The following MXD4 variants were observed in gnomAD, a reference collection of about 807,000 sequenced individuals.
MXD4 encodes Mad4 homolog.
MXD4 carries 16 observed loss-of-function variants against 24.5 expected under a neutral mutation model. That is an observed-to-expected ratio of 0.65 (90% confidence interval 0.44 to 0.99). The LOEUF is 0.99. Among genes scored for constraint, MXD4 ranks in the 50% least tolerant of loss-of-function variants. The probability of loss-of-function intolerance (pLI) is 0.00; values close to 1 mark genes in which losing one functional copy is unlikely to be tolerated. For missense variants in MXD4, 301 were observed against 301.5 expected, an observed-to-expected ratio of 1.00 and a Z score of 0.01; for synonymous variants, 164 against 134.2, an observed-to-expected ratio of 1.22 and a Z score of -1.54.
Position 2,248,722 on chromosome 4 carries a change from A to T in MXD4, c.*1822T>A, listed in dbSNP as rs770154973. ...TTCTGTGCCAGAGTTGTTTCCAGGG[A>T]CCCCCTTCCGCCACAGTGGGCCCCC... is the stretch of plus-strand genomic sequence containing the variant. On this transcript the variant is annotated 3_prime_UTR_variant, in exon 6 of 6. Transcript: ENST00000337190. 8 of 152,076 alleles carry T rather than the reference A, an allele frequency of 5.3e-5. No individual in the cohort carries two copies. The highest frequency in any genetic ancestry group is 1.2e-4 in the African/African-American group (5 of 41,370). The allele number at this position is 152,076 out of a possible 1,614,324, so 9.4% of individuals were successfully genotyped here. A position where few individuals can be genotyped will look rare whatever the true frequency, so the allele number is the denominator to read the frequency against.
At chr4:2,261,120 T>C (rs1171494585) in intron 2 of MXD4, among the ~76,000 whole-genome samples, 1 of 152,154 alleles carries the variant, frequency 6.6e-6, no homozygotes, top group African/African-American at 2.4e-5. Flanking sequence ...ACCCCCATAC[T>C]GGTGGCTGGA....
chr4:2,256,739 G>A (rs1039982374), intron 3 of MXD4, among the ~76,000 whole-genome samples: 4 of 152,212 alleles, frequency 2.6e-5, no homozygotes, highest in African/African-American at 7.2e-5. Context: ...GGCAAAGCCA[G>A]GTCAAAGGGC....
intron 2 of MXD4, 67 bp downstream of exon 2, chr4:2,261,658 G>A (rs1437992012): frequency 2.1e-5 from 21 of 989,166 alleles, no homozygotes; most frequent in Non-Finnish European, 2.7e-5. Flanking sequence ...GGGGCCCGGA[G>A]AGCACGCTCC....
At position 2,248,346 on chromosome 4, in the gene MXD4, G is replaced by C. The variant is rs1477549093; in HGVS notation, c.*2198C>G. On this transcript the variant is annotated 3_prime_UTR_variant, in exon 6 of 6. Transcript: ENST00000337190. The stretch of plus-strand genomic sequence containing the variant: ...CACCACTGGTCACCGGGTGGATTCT[G>C]CTGGTCAGAGATGAGAGCAGAAGCC... 1 of 152,438 alleles carries C rather than the reference G, an allele frequency of 6.6e-6. No homozygotes were observed. Among genetic ancestry groups the C allele is most frequent in the African/African-American group, 2.4e-5 (1 of 41,462 alleles). 9.4% of individuals were successfully genotyped at this position (152,438 alleles called of 1,614,324 possible).
At position 2,248,394 on chromosome 4, in the gene MXD4, G is replaced by A. The variant is rs1448368529; in HGVS notation, c.*2150C>T. ...GCCCCTAGCTGCCTCAGGCACTGGAGGGTGGGGCAGGGAGCTGGTGCTTCA... is the reference window on the plus strand; with the variant it reads ...GCCCCTAGCTGCCTCAGGCACTGGAAGGTGGGGCAGGGAGCTGGTGCTTCA... On this transcript the variant is annotated 3_prime_UTR_variant, in exon 6 of 6. Coordinates refer to ENST00000337190, the MANE Select transcript of MXD4 (RefSeq NM_006454.3). The A allele has an allele frequency of 3.3e-5, 5 of 152,608 alleles. No homozygotes were observed. The East Asian group carries it at 9.6e-4, about 29-fold the overall frequency. The allele number at this position is 152,608 out of a possible 1,614,324, so 9.5% of individuals were successfully genotyped here.
rs1479020906 is a variant in MXD4, at chr4:2,261,769, C to G, written c.120G>C (p.Glu40Asp). 9 of 1,432,100 alleles carry G rather than the reference C, an allele frequency of 6.3e-6. No homozygotes were observed. The highest frequency in any genetic ancestry group is 1.3e-5 in the South Asian group (1 of 75,258). The allele number at this position is 1,432,100 out of a possible 1,614,324, so 88.7% of individuals were successfully genotyped here. The change falls in exon 2 of 6, where the codon GAG (glutamate) becomes GAC (aspartate). Residue 40 changes from glutamate to aspartate, a missense_variant. Glu to Asp is a conservative substitution (Grantham distance 45, BLOSUM62 2). Coordinates refer to ENST00000337190, the MANE Select transcript of MXD4 (RefSeq NM_006454.3). ...VLPFDGDFAR[E>D]KTKAAGLVRK... Reference sequence around the variant, plus strand: ...GCACCAGGCCGGCCGCCTTTGTTTTCTCCCTGGCGAAGTCGCCGTCGAAGG... The same window carrying G: ...GCACCAGGCCGGCCGCCTTTGTTTTGTCCCTGGCGAAGTCGCCGTCGAAGG...
In MXD4 at chr4:2,261,760, CT is replaced by C; in HGVS notation, c.128del (p.Lys43ArgfsTer19). On this transcript the variant is annotated frameshift_variant, in exon 2 of 6. Coordinates refer to ENST00000337190, the MANE Select transcript of MXD4 (RefSeq NM_006454.3). LOFTEE classifies it high-confidence loss of function. ...GGGCCTTGCGCACCAGGCCGGCCGC[CT>C]TTGTTTTCTCCCTGGCGAAGTCGCC... ...FDGDFAREKT[K>X]AAGLVRKAPN... The C allele has an allele frequency of 1.4e-6, 2 of 1,431,916 alleles. No homozygotes were observed. The highest frequency in any genetic ancestry group is 3.1e-5 in the East Asian group (1 of 32,012). 88.7% of individuals were successfully genotyped at this position (1,431,916 alleles called of 1,614,324 possible).
chr4:2,254,134 A>G (rs1735376572), intron 3 of MXD4: 1 of 152,202 alleles, frequency 6.6e-6, no homozygotes. Context: ...CCATCCCACC[A>G]TGTAATTACA....
In MXD4 at chr4:2,262,103, G is replaced by C. The variant is rs1322695254; in HGVS notation, c.-123C>G. 2.7e-6 allele frequency: 1 copy of C among 373,286 alleles called. No individual in the cohort carries two copies. Among genetic ancestry groups the C allele is most frequent in the Non-Finnish European group, 3.7e-6 (1 of 270,292 alleles). The allele number at this position is 373,286 out of a possible 1,614,324, so 23.1% of individuals were successfully genotyped here. On this transcript the variant is annotated 5_prime_UTR_variant, in exon 1 of 6. Coordinates refer to ENST00000337190, the MANE Select transcript of MXD4 (RefSeq NM_006454.3). ...CGCACTTCCAGACTCCGCGGACTCC[G>C]GCGCTCGGCCGCCACCCTCCGCCTC...
intron 2 of MXD4, among the ~76,000 whole-genome samples, chr4:2,258,408 C>G (rs1240704339): frequency 6.6e-6 from 1 of 152,122 alleles, no homozygotes; most frequent in East Asian, 1.9e-4. Context: ...GTGAATCTGG[C>G]TGACAGGAGG....
rs565235160 is a variant in MXD4, at chr4:2,247,482, G to A, written c.*3062C>T. The A allele has an allele frequency of 4.6e-5, 7 of 152,398 alleles. No homozygotes were observed. The highest frequency in any genetic ancestry group is 1.9e-4 in the East Asian group (1 of 5,182). The allele number at this position is 152,398 out of a possible 1,614,324, so 9.4% of individuals were successfully genotyped here. ...TTACAATGACATAAGGACACAGCACGGCCCACACGGTGGACAGGTGGCCGG... is the reference window on the plus strand; with the variant it reads ...TTACAATGACATAAGGACACAGCACAGCCCACACGGTGGACAGGTGGCCGG... On this transcript the variant is annotated 3_prime_UTR_variant, in exon 6 of 6. Transcript: ENST00000337190.
chr4:2,261,436 C>T (rs1449543789), intron 2 of MXD4, among the ~76,000 whole-genome samples: 1 of 152,248 alleles, frequency 6.6e-6, no homozygotes, highest in East Asian at 1.9e-4. Context: ...AACTCGGGGG[C>T]GGGGAGCGGG....
chr4:2,253,151 C>T (rs1040167731), intron 3 of MXD4: 4 of 153,416 alleles, frequency 2.6e-5, no homozygotes, highest in Admixed American at 1.3e-4. Flanking sequence ...CTTGTTCACA[C>T]TCAAGGGTAC....
chr4:2,258,556 GCAC>G (rs1735476547), intron 2 of MXD4, among the ~76,000 whole-genome samples: 1 of 152,180 alleles, frequency 6.6e-6, no homozygotes, highest in Non-Finnish European at 1.5e-5. Flanking sequence ...AAGCAGCCTA[GCAC>G]CCGGGACAAA....
chr4:2,252,181 G>A (rs962849876), intron 4 of MXD4, among the ~76,000 whole-genome samples: 5 of 152,002 alleles, frequency 3.3e-5, no homozygotes, highest in Non-Finnish European at 7.4e-5. Flanking sequence ...CAACAAACCC[G>A]ACACAAGCCA....
chr4:2,261,193 G>A (rs1388971665), intron 2 of MXD4, among the ~76,000 whole-genome samples: 1 of 152,236 alleles, frequency 6.6e-6, no homozygotes, highest in South Asian at 2.1e-4. Flanking sequence ...GAGGGCCCAG[G>A]ACAGCGCCTC....
intron 5 of MXD4, 97 bp from the exon 6 acceptor site, chr4:2,250,798 A>G: frequency 6.9e-7 from 1 of 1,452,138 alleles, no homozygotes. Flanking sequence ...AGAGGGGCAG[A>G]AGTGCGGAGG....
intron 2 of MXD4, 28 bp downstream of exon 2, chr4:2,261,697 G>A (rs1458913619): frequency 1.0e-5 from 13 of 1,294,146 alleles, no homozygotes; most frequent in African/African-American, 3.1e-5. Flanking sequence ...GGACCGGGCC[G>A]GGCGGGGTCG....
intron 2 of MXD4, among the ~76,000 whole-genome samples, chr4:2,259,263 G>A (rs1002731270): frequency 1.4e-4 from 21 of 152,152 alleles, no homozygotes; most frequent in African/African-American, 5.1e-4. Context: ...ACAGGCCCTG[G>A]GCCTCCTTGT....
Sources: allele counts gnomAD v4.1 joint callset (sites outside exome capture counted in the v4.1 genomes callset), GRCh38; gene constraint gnomAD v4.1.1; transcripts MANE v1.5; gene names NCBI Gene and HGNC (gene_info 2026-07-23, HGNC 2026-07-21).